Variants in DCLK2 observed in about 807,000 individuals in gnomAD.
DCLK2 encodes the protein serine/threonine-protein kinase DCLK2.
A neutral mutation model predicts 78.4 loss-of-function variants in DCLK2; 31 were observed. The ratio of observed to expected loss-of-function variants is 0.40; its 90% CI spans 0.30 to 0.53. The LOEUF is 0.53. Among genes scored for constraint, DCLK2 ranks in the 20% least tolerant of loss-of-function variants. The probability of loss-of-function intolerance (pLI) is 0.61; values close to 1 mark genes in which losing one functional copy is unlikely to be tolerated. For missense variants in DCLK2, 872 were observed against 973.7 expected (o/e 0.90, Z 1.39); for synonymous variants, 407 against 374.9 (o/e 1.09, Z -0.99).
intron 2 of DCLK2, among the ~76,000 whole-genome samples, chr4:150,133,530 G>C (rs1001024659): frequency 6.6e-6 from 1 of 152,166 alleles, no homozygotes; most frequent in African/African-American, 2.4e-5. Context: ...TTACTGTTTG[G>C]TTTTAAAGGG....
At chr4:150,235,506 C>T (rs780015272) in intron 10 of DCLK2, among the ~76,000 whole-genome samples, 11 of 152,152 alleles carry the variant, frequency 7.2e-5, no homozygotes, top group Non-Finnish European at 1.5e-4. Flanking sequence ...CCCAAACCTA[C>T]GGGAGCCCCC....
intron 2 of DCLK2, among the ~76,000 whole-genome samples, chr4:150,174,090 C>T (rs1002806312): frequency 2.1e-4 from 32 of 152,124 alleles, no homozygotes; most frequent in African/African-American, 7.2e-4. Flanking sequence ...AAATGAACTC[C>T]GGGAATGGCA....
At chr4:150,165,589 C>A (rs1736003152) in intron 2 of DCLK2, among the ~76,000 whole-genome samples, 1 of 152,160 alleles carries the variant, frequency 6.6e-6, no homozygotes. Context: ...GAGGAGAGAA[C>A]CTATTTCAAA....
chr4:150,119,061 TAATAAC>T lies in DCLK2; in HGVS notation c.756+16253_756+16258del, dbSNP rs1421082088. Among the ~76,000 whole-genome samples the T allele has an allele frequency of 2.6e-4, 39 of 151,246 alleles. 1 individual carries two copies. Among genetic ancestry groups the T allele is most frequent in the African/African-American group, 8.5e-4 (35 of 41,270 alleles). On this transcript the variant is annotated intron_variant, in intron 2 of 15. Transcript: ENST00000296550. ...AATAATAATATAATAATAATAATAA[TAATAAC>T]AATTGTGTTAATGCAGTTACATACA...
At chr4:150,124,286 T>G (rs1222730224) in intron 2 of DCLK2, among the ~76,000 whole-genome samples, 3 of 152,166 alleles carry the variant, frequency 2.0e-5, no homozygotes, top group African/African-American at 7.2e-5. Context: ...TCGCTTTTCT[T>G]TATGCATTTC....
intron 7 of DCLK2, among the ~76,000 whole-genome samples, chr4:150,223,910 T>C (rs1386917645): frequency 2.6e-5 from 4 of 152,110 alleles, no homozygotes; most frequent in African/African-American, 9.7e-5. Context: ...CAGGGGACTT[T>C]TCACTTTTGA....
chr4:150,221,855 A>G, intron 7 of DCLK2, 70 bp downstream of exon 7: 1 of 1,026,718 alleles, frequency 9.7e-7, no homozygotes, highest in Non-Finnish European at 1.4e-6. Context: ...TCATCTACAG[A>G]TACAGTTTTC....
intron 10 of DCLK2, among the ~76,000 whole-genome samples, chr4:150,238,435 G>A (rs981793966): frequency 6.6e-6 from 1 of 152,078 alleles, no homozygotes; most frequent in South Asian, 2.1e-4. Flanking sequence ...CCTAGAGTAG[G>A]TTTTGAGAAG....
At chr4:150,211,313 AAGAGAGAG>A (rs140221411) in intron 5 of DCLK2, among the ~76,000 whole-genome samples, 3 of 148,286 alleles carry the variant, frequency 2.0e-5, no homozygotes, top group Non-Finnish European at 4.5e-5. Flanking sequence ...ACCAAGTGAT[AAGAGAGAG>A]AGAGAGAGAG....
intron 5 of DCLK2, among the ~76,000 whole-genome samples, chr4:150,208,390 T>G (rs1740009422): frequency 7.4e-6 from 1 of 135,472 alleles, no homozygotes; most frequent in South Asian, 2.6e-4. Context: ...GAAACGGAGT[T>G]TTTTTTTTTG....
At chr4:150,155,680 C>T (rs1285614851) in intron 2 of DCLK2, among the ~76,000 whole-genome samples, 2 of 152,110 alleles carry the variant, frequency 1.3e-5, no homozygotes, top group Non-Finnish European at 2.9e-5. Flanking sequence ...ATGGGTAAAA[C>T]TCTTGAGACA....
intron 2 of DCLK2, among the ~76,000 whole-genome samples, chr4:150,156,345 G>C (rs1292823832): frequency 6.6e-6 from 1 of 152,066 alleles, no homozygotes; most frequent in Non-Finnish European, 1.5e-5. Flanking sequence ...GAAGGAAGGT[G>C]TAAAGAGCAG....
At chr4:150,086,616 C>T (rs542367258) in intron 1 of DCLK2, among the ~76,000 whole-genome samples, 1 of 152,174 alleles carries the variant, frequency 6.6e-6, no homozygotes, top group African/African-American at 2.4e-5. Context: ...ACGCCATTCT[C>T]CTGCCTCAGC....
intron 2 of DCLK2, among the ~76,000 whole-genome samples, chr4:150,108,631 A>G (rs1273669623): frequency 2.6e-5 from 4 of 152,178 alleles, no homozygotes; most frequent in Admixed American, 2.6e-4. Flanking sequence ...AAACAAATTT[A>G]CTTTTTAAAT....
intron 5 of DCLK2, among the ~76,000 whole-genome samples, chr4:150,217,118 T>C (rs1322558649): frequency 2.0e-5 from 3 of 152,206 alleles, no homozygotes; most frequent in Non-Finnish European, 4.4e-5. Context: ...TTGAATGCCA[T>C]ATTTGATCTC....
At chr4:150,145,627 C>G (rs1734416209) in intron 2 of DCLK2, among the ~76,000 whole-genome samples, 1 of 152,178 alleles carries the variant, frequency 6.6e-6, no homozygotes, top group African/African-American at 2.4e-5. Flanking sequence ...ATGTGGCAGT[C>G]ATTGCATTAG....
chr4:150,085,889 C>T (rs1580469520), intron 1 of DCLK2, among the ~76,000 whole-genome samples: 1 of 152,208 alleles, frequency 6.6e-6, no homozygotes, highest in East Asian at 1.9e-4. Context: ...CTAATACAGT[C>T]TTCTTTCGCC....
chr4:150,153,247 G>A (rs1735017752), intron 2 of DCLK2, among the ~76,000 whole-genome samples: 1 of 152,144 alleles, frequency 6.6e-6, no homozygotes, highest in Admixed American at 6.5e-5. Flanking sequence ...AATCTTTTAA[G>A]GGAGGCCAGA....
chr4:150,088,587 G>A lies in DCLK2; in HGVS notation c.421+9139G>A, dbSNP rs989073221. ...CGGTTAGCTGGGATTACAGGTGAAAGCCATTACACCCTTCAGATGTTTTGA... is the reference window on the plus strand; with the variant it reads ...CGGTTAGCTGGGATTACAGGTGAAAACCATTACACCCTTCAGATGTTTTGA... On this transcript the variant is annotated intron_variant, in intron 1 of 15. Transcript: ENST00000296550. Among the ~76,000 whole-genome samples, 5 of 152,088 alleles carry A rather than the reference G, an allele frequency of 3.3e-5. No homozygotes were observed. The South Asian group carries it at 1.0e-3, about 32-fold the overall frequency.
Sources: gnomAD v4.1 joint callset for allele counts (sites outside exome capture counted in the v4.1 genomes callset) on GRCh38, gnomAD v4.1.1 for gene constraint, MANE v1.5 for transcripts, NCBI Gene and HGNC (gene_info 2026-07-23, HGNC 2026-07-21) for gene names.